Variants in FER1L6 observed in about 807,000 individuals in gnomAD.
The protein encoded by FER1L6 is fer-1 like family member 6.
In FER1L6, 177 loss-of-function variants were observed where a neutral mutation model predicts 219.2. The ratio of observed to expected loss-of-function variants is 0.81; its 90% CI spans 0.71 to 0.91. The LOEUF is 0.91. Ranked by LOEUF, FER1L6 falls within the 40% of genes least tolerant of loss-of-function variation. FER1L6 has a pLI of 0.00. For synonymous variants in FER1L6, 768 were observed against 824.3 expected, an observed-to-expected ratio of 0.93 and a Z score of 1.17; for missense variants, 2,153 against 2,259.9, an observed-to-expected ratio of 0.95 and a Z score of 0.96.
intron 40 of FER1L6, 45 bp from the exon 41 acceptor site, chr8:124,119,562 T>C (rs752735844): frequency 1.5e-6 from 2 of 1,294,484 alleles, no homozygotes; most frequent in Non-Finnish European, 1.1e-6. Flanking sequence ...ATTCTGAGTG[T>C]TGACAGGATG....
At chr8:124,085,148 T>A (rs1369817553) in intron 33 of FER1L6, among the ~76,000 whole-genome samples, 1 of 152,096 alleles carries the variant, frequency 6.6e-6, no homozygotes, top group Non-Finnish European at 1.5e-5. Context: ...GTCTGTAATT[T>A]TATTTATTTA....
intron 1 of FER1L6, among the ~76,000 whole-genome samples, chr8:123,940,023 C>G (rs1245802042): frequency 1.3e-5 from 2 of 152,140 alleles, no homozygotes; most frequent in African/African-American, 4.8e-5. Context: ...TGCTCTTGAC[C>G]CAAAGGCAGT....
intron 1 of FER1L6, among the ~76,000 whole-genome samples, chr8:123,857,535 T>C (rs1343877573): frequency 1.3e-5 from 2 of 152,146 alleles, no homozygotes; most frequent in African/African-American, 4.8e-5. Context: ...CTGGTGTAAA[T>C]CAAAATTTTA....
intron 26 of FER1L6, among the ~76,000 whole-genome samples, chr8:124,064,968 C>T (rs118094111): frequency 6.7e-4 from 102 of 152,166 alleles, no homozygotes; most frequent in Non-Finnish European, 1.2e-3. Flanking sequence ...CAGTTAGTGA[C>T]GGTTCTGGAA....
chr8:124,087,391 G>A (rs1199934211), intron 33 of FER1L6, among the ~76,000 whole-genome samples: 1 of 151,914 alleles, frequency 6.6e-6, no homozygotes, highest in Non-Finnish European at 1.5e-5. Context: ...TATGTCTGTT[G>A]CATTTTTCAG....
chr8:123,909,432 C>T (rs189059217), intron 1 of FER1L6, among the ~76,000 whole-genome samples: 10 of 152,100 alleles, frequency 6.6e-5, no homozygotes, highest in African/African-American at 2.2e-4. Flanking sequence ...TCTCTGGTTG[C>T]CTATGGAGGA....
chr8:123,906,418 T>C (rs1374494962), intron 1 of FER1L6, among the ~76,000 whole-genome samples: 11 of 152,168 alleles, frequency 7.2e-5, no homozygotes, highest in Non-Finnish European at 1.2e-4. Flanking sequence ...ATATGGCTTA[T>C]TCCTTTAGAT....
At chr8:123,915,536 A>G (rs1813160385) in intron 1 of FER1L6, among the ~76,000 whole-genome samples, 1 of 152,168 alleles carries the variant, frequency 6.6e-6, no homozygotes, top group Non-Finnish European at 1.5e-5. Flanking sequence ...TCAATTCATC[A>G]TTAATTAAAT....
In FER1L6 at chr8:124,023,391, C is replaced by A; in HGVS notation, c.2134-53C>A. The A allele has an allele frequency of 3.8e-6, 6 of 1,572,864 alleles. No individual in the cohort carries two copies. The South Asian group carries it at 4.6e-5, about 12-fold the overall frequency. On this transcript the variant is annotated intron_variant, in intron 17 of 40. Coordinates refer to ENST00000522917, the MANE Select transcript of FER1L6 (RefSeq NM_001039112.2). ...ACTCTGCAAGTGCCTTTGTTCAATG[C>A]CAACCTTTCAAATCCCATTCCTATT...
intron 23 of FER1L6, 69 bp downstream of exon 23, chr8:124,060,359 G>GCCCC (rs2130823504): frequency 1.3e-6 from 2 of 1,508,858 alleles, no homozygotes; most frequent in Non-Finnish European, 1.8e-6. Flanking sequence ...TGAATTGTAG[G>GCCCC]AGAGGTGATA....
At chr8:123,912,096 C>A (rs1030099972) in intron 1 of FER1L6, among the ~76,000 whole-genome samples, 1 of 152,134 alleles carries the variant, frequency 6.6e-6, no homozygotes, top group East Asian at 1.9e-4. Flanking sequence ...TTACGTGGTA[C>A]TCATCAAAGT....
At chr8:124,071,883 C>A (rs543843645) in intron 31 of FER1L6, among the ~76,000 whole-genome samples, 18 of 152,034 alleles carry the variant, frequency 1.2e-4, no homozygotes, top group Non-Finnish European at 2.5e-4. Context: ...AGGGAGAGTG[C>A]GAGCTCTGAT....
intron 21 of FER1L6, among the ~76,000 whole-genome samples, chr8:124,048,615 A>T (rs1819843100): frequency 6.6e-6 from 1 of 152,216 alleles, no homozygotes; most frequent in African/African-American, 2.4e-5. Context: ...CTGCCCCATC[A>T]CTTAGACATA....
intron 13 of FER1L6, among the ~76,000 whole-genome samples, chr8:124,003,622 C>A (rs976312395): frequency 6.6e-6 from 1 of 151,798 alleles, no homozygotes; most frequent in African/African-American, 2.4e-5. Context: ...GCACACACCA[C>A]CATGCCCGGC....
At chr8:124,098,604 G>T (rs1822408733) in intron 37 of FER1L6, among the ~76,000 whole-genome samples, 2 of 152,160 alleles carry the variant, frequency 1.3e-5, no homozygotes, top group Non-Finnish European at 2.9e-5. Context: ...TTACAAAGGA[G>T]TAATAGAAGG....
chr8:124,062,074 T>A, intron 25 of FER1L6, 42 bp downstream of exon 25: 1 of 1,602,500 alleles, frequency 6.2e-7, no homozygotes, highest in South Asian at 1.1e-5. Context: ...AACTATAAAG[T>A]CATGGTGCCT....
At chr8:124,084,071 G>T (rs1031723324) in intron 33 of FER1L6, among the ~76,000 whole-genome samples, 1 of 151,318 alleles carries the variant, frequency 6.6e-6, no homozygotes, top group African/African-American at 2.4e-5. Flanking sequence ...ATTGTTCACT[G>T]TTGGCATACA....
In FER1L6 at chr8:123,998,749, C is replaced by T. The variant is rs140403424; in HGVS notation, c.1520-4418C>T. Among the ~76,000 whole-genome samples, 1,466 of 152,240 alleles carry T rather than the reference C, an allele frequency of 9.6e-3. 23 individuals are homozygous for T. Among genetic ancestry groups the T allele is most frequent in the African/African-American group, 0.032 (1,310 of 41,540 alleles). Reference sequence around the variant, plus strand: ...ATCTACCTGGTTTTCTATTCTACTGCGGCTGAGCTGGCATCCAAGTTGCAA... The same window carrying T: ...ATCTACCTGGTTTTCTATTCTACTGTGGCTGAGCTGGCATCCAAGTTGCAA... On this transcript the variant is annotated intron_variant, in intron 12 of 40. Transcript: ENST00000522917.
At chr8:124,019,721 G>A (rs1818371787) in intron 16 of FER1L6, among the ~76,000 whole-genome samples, 1 of 152,192 alleles carries the variant, frequency 6.6e-6, no homozygotes, top group South Asian at 2.1e-4. Flanking sequence ...CAAGACAGAG[G>A]AGGTCCTTGT....
Sources: gnomAD v4.1 joint callset for allele counts (sites outside exome capture counted in the v4.1 genomes callset) on GRCh38, gnomAD v4.1.1 for gene constraint, MANE v1.5 for transcripts, NCBI Gene and HGNC (gene_info 2026-07-23, HGNC 2026-07-21) for gene names.